SLC22A24: variants seen among roughly 807,000 people sequenced by gnomAD.
SLC22A24 encodes solute carrier family 22 member 24, also known as steroid transmembrane transporter SLC22A24.
SLC22A24 carries 53 observed loss-of-function variants against 49.8 expected under a neutral mutation model. The ratio of observed to expected loss-of-function variants is 1.06; its 90% CI spans 0.85 to 1.34. The LOEUF is 1.34. Among genes scored for constraint, SLC22A24 ranks in the 40% most tolerant of loss-of-function variants. The probability of loss-of-function intolerance (pLI) is 0.00; values close to 1 mark genes in which losing one functional copy is unlikely to be tolerated. For missense variants in SLC22A24, 786 were observed against 675.9 expected (o/e 1.16, Z -1.81); for synonymous variants, 302 against 256.4 (o/e 1.18, Z -1.70).
At chr11:63,119,878 T>G (rs564250539) in intron 2 of SLC22A24, among the ~76,000 whole-genome samples, 1 of 152,324 alleles carries the variant, frequency 6.6e-6, no homozygotes, top group South Asian at 2.1e-4. Flanking sequence ...AGAAAACAGT[T>G]CAGCATTTTT....
intron 4 of SLC22A24, 119 bp from the exon 5 acceptor site, chr11:63,104,417 T>C: frequency 2.5e-6 from 3 of 1,177,958 alleles, no homozygotes; most frequent in South Asian, 3.3e-5. Flanking sequence ...AGTAGAGTCA[T>C]TTCTGACCAA....
chr11:63,086,091 T>A (rs2086985570), intron 6 of SLC22A24, among the ~76,000 whole-genome samples: 1 of 152,224 alleles, frequency 6.6e-6, no homozygotes, highest in African/African-American at 2.4e-5. Flanking sequence ...CTGGTGGGAA[T>A]GTAAATTAGT....
At chr11:63,140,456 A>G (rs964662320) in intron 1 of SLC22A24, among the ~76,000 whole-genome samples, 5 of 152,210 alleles carry the variant, frequency 3.3e-5, no homozygotes, top group African/African-American at 7.2e-5. Flanking sequence ...TTAAGGCCAG[A>G]TATCAGATCT....
chr11:63,136,141 G>A (rs777545052), intron 1 of SLC22A24, among the ~76,000 whole-genome samples: 34 of 152,250 alleles, frequency 2.2e-4, no homozygotes, highest in Admixed American at 9.8e-4. Flanking sequence ...CAATCAGATT[G>A]TAATGTGTGA....
chr11:63,110,456 G>A (rs1040984299), intron 4 of SLC22A24, among the ~76,000 whole-genome samples: 1 of 147,938 alleles, frequency 6.8e-6, no homozygotes, highest in Non-Finnish European at 1.5e-5. Context: ...CCATTTTCAC[G>A]ATATTGATTC....
At chr11:63,136,746 C>T (rs1446424283) in intron 1 of SLC22A24, among the ~76,000 whole-genome samples, 1 of 152,220 alleles carries the variant, frequency 6.6e-6, no homozygotes, top group Non-Finnish European at 1.5e-5. Context: ...GCCCTTGTGG[C>T]TACCTGCCCA....
Position 63,132,413 on chromosome 11 carries a change from G to T in SLC22A24, c.506+2252C>A, listed in dbSNP as rs552203434. Among the ~76,000 whole-genome samples, 17 of 152,244 alleles carry T rather than the reference G, an allele frequency of 1.1e-4. No individual in the cohort carries two copies. In the East Asian group the frequency reaches 3.3e-3, roughly 29 times the overall value. ...TCTGCTCTGGTTTCTCCTCATCTTT[G>T]TGGTTTTATCTACCTTTGGTCTTTG... On this transcript the variant is annotated intron_variant, in intron 2 of 9. Coordinates refer to ENST00000612278, the MANE Select transcript of SLC22A24 (RefSeq NM_001136506.2).
At chr11:63,135,556 T>G (rs528201194) in intron 1 of SLC22A24, among the ~76,000 whole-genome samples, 13 of 152,378 alleles carry the variant, frequency 8.5e-5, no homozygotes, top group Non-Finnish European at 1.8e-4. Context: ...GTTTTTGCAT[T>G]GTTGGAATTT....
intron 2 of SLC22A24, among the ~76,000 whole-genome samples, chr11:63,132,932 A>G (rs961088273): frequency 2.6e-5 from 4 of 152,214 alleles, no homozygotes; most frequent in African/African-American, 4.8e-5. Context: ...GAGAGGCAGT[A>G]GTCCTTACGG....
intron 2 of SLC22A24, among the ~76,000 whole-genome samples, chr11:63,132,488 A>C (rs1214542848): frequency 1.3e-5 from 2 of 151,658 alleles, no homozygotes; most frequent in Admixed American, 1.3e-4. Context: ...CTTTTTGTTG[A>C]TGGTGATGCT....
In SLC22A24 at chr11:63,134,769, C is replaced by A; in HGVS notation, c.403-1G>T. 1 of 1,568,774 alleles carries A rather than the reference C, an allele frequency of 6.4e-7. No homozygotes were observed. The highest frequency in any genetic ancestry group is 8.7e-7 in the Non-Finnish European group (1 of 1,153,862). The stretch of plus-strand genomic sequence containing the variant: ...ACTGAGATTCACATACCAGGTCCCA[C>A]TGGAAGAGAAAGAAAGCAGTACAGC... On this transcript the variant is annotated splice_acceptor_variant, in intron 1 of 9. Coordinates refer to ENST00000612278, the MANE Select transcript of SLC22A24 (RefSeq NM_001136506.2). LOFTEE classifies it high-confidence loss of function.
rs567963327 is a variant in SLC22A24 at position 63,141,408 on chromosome 11, C to T, written c.402+1970G>A. The stretch of plus-strand genomic sequence containing the variant: ...GGTTTTGTTTGGAAAGCTAACCCCC[C>T]TCCATCGGAGTAAAGGATACAATTG... On this transcript the variant is annotated intron_variant, in intron 1 of 9. Transcript: ENST00000612278. Among the ~76,000 whole-genome samples the T allele has an allele frequency of 7.9e-5, 12 of 152,298 alleles. No individual in the cohort carries two copies. In the East Asian group the frequency reaches 1.9e-3, roughly 24 times the overall value.
chr11:63,124,251 A>G (rs914997591), intron 2 of SLC22A24, among the ~76,000 whole-genome samples: 5 of 152,194 alleles, frequency 3.3e-5, no homozygotes, highest in African/African-American at 1.2e-4. Context: ...AAGAAAACTT[A>G]GATTTTATTC....
intron 2 of SLC22A24, among the ~76,000 whole-genome samples, chr11:63,124,945 G>T (rs1192182108): frequency 6.6e-6 from 1 of 150,908 alleles, no homozygotes; most frequent in African/African-American, 2.4e-5. Flanking sequence ...ACACTCTGGG[G>T]ACTGTTGCGG....
chr11:63,140,360 G>A (rs9665846), intron 1 of SLC22A24, among the ~76,000 whole-genome samples: 114,897 of 151,998 alleles, frequency 0.76, 45,140 homozygotes, highest in East Asian at 0.9. Flanking sequence ...GACTACAGGC[G>A]TGAGCCACCA....
At position 63,142,960 on chromosome 11, in the gene SLC22A24, A is replaced by C. The variant is rs758648623; in HGVS notation, c.402+418T>G. Among the ~76,000 whole-genome samples the C allele has an allele frequency of 4.5e-4, 68 of 152,332 alleles. 1 individual carries two copies. The Middle Eastern group carries it at 0.014, about 30-fold the overall frequency. ...AAAAACAACCAAAACTAAGTATCTC[A>C]ACAACATTTTGTAGGAGAAACACTT... On this transcript the variant is annotated intron_variant, in intron 1 of 9. Coordinates refer to ENST00000612278, the MANE Select transcript of SLC22A24 (RefSeq NM_001136506.2).
intron 5 of SLC22A24, among the ~76,000 whole-genome samples, chr11:63,099,150 C>A (rs1238495167): frequency 6.6e-6 from 1 of 151,952 alleles, no homozygotes; most frequent in African/African-American, 2.4e-5. Flanking sequence ...AGCACAGGAA[C>A]TGATGATTTC....
At chr11:63,112,968 T>C in intron 4 of SLC22A24, among the ~76,000 whole-genome samples, 2 of 143,516 alleles carry the variant, frequency 1.4e-5, no homozygotes, top group East Asian at 2.0e-4. Context: ...TGAGCCAAGT[T>C]TGTGCCACTG....
rs2087230142 is a variant in SLC22A24, at chr11:63,118,837, C to T, written c.830+75G>A. The T allele has an allele frequency of 2.7e-6, 4 of 1,471,080 alleles. No homozygotes were observed. The Middle Eastern group carries it at 5.2e-4, about 190-fold the overall frequency. 91.1% of individuals were successfully genotyped at this position (1,471,080 alleles called of 1,614,324 possible). ...GACTAGGCCAGAGACCGAACAGATC[C>T]CAGGTGTCAGAATTTTCCTTTCTAT... On this transcript the variant is annotated intron_variant, in intron 4 of 9. Coordinates refer to ENST00000612278, the MANE Select transcript of SLC22A24 (RefSeq NM_001136506.2).
Sources: allele counts gnomAD v4.1 joint callset (sites outside exome capture counted in the v4.1 genomes callset), GRCh38; gene constraint gnomAD v4.1.1; transcripts MANE v1.5; gene names NCBI Gene and HGNC (gene_info 2026-07-23, HGNC 2026-07-21).